FAM178B: variants seen among roughly 807,000 people sequenced by gnomAD.
FAM178B encodes family with sequence similarity 178 member B.
Under a neutral mutation model 91.7 loss-of-function variants are expected in FAM178B, and 82 were observed. The observed-to-expected ratio is 0.89, with a 90% confidence interval of 0.75 to 1.07. The LOEUF (loss-of-function observed/expected upper bound fraction) is 1.07. FAM178B is among the 50% of genes least tolerant of loss of function. The pLI, the probability that FAM178B is intolerant of heterozygous loss-of-function variation, is 0.00. For synonymous variants in FAM178B, 368 were observed against 359.4 expected (o/e 1.02, Z -0.27); for missense variants, 769 against 846.7 (o/e 0.91, Z 1.14).
intron 5 of FAM178B, among the ~76,000 whole-genome samples, chr2:96,965,149 G>C (rs562380373): frequency 6.6e-6 from 1 of 152,068 alleles, no homozygotes; most frequent in Admixed American, 6.6e-5. Context: ...ACAGGTACGC[G>C]TCACCACGCC....
chr2:96,877,488 C>T (rs567433627), intron 16 of FAM178B, among the ~76,000 whole-genome samples: 5 of 152,162 alleles, frequency 3.3e-5, no homozygotes, highest in South Asian at 2.1e-4. Flanking sequence ...CTGCAACCTC[C>T]GCCTCCTGGG....
At chr2:96,891,652 C>T (rs1314160467) in intron 14 of FAM178B, among the ~76,000 whole-genome samples, 1 of 152,188 alleles carries the variant, frequency 6.6e-6, no homozygotes, top group Non-Finnish European at 1.5e-5. Context: ...AAAGTTGTGC[C>T]CTGGACACCA....
rs531595293 is a variant in FAM178B at position 96,961,922 on chromosome 2, A to G, written c.735-1482T>C. Reference sequence around the variant, plus strand: ...TCAGGAAGCATCTCACCAAACCACCACACAAACGGTAAAACAATTTCCTGT... The same window carrying G: ...TCAGGAAGCATCTCACCAAACCACCGCACAAACGGTAAAACAATTTCCTGT... On this transcript the variant is annotated intron_variant, in intron 5 of 16. Transcript: ENST00000490605. Among the ~76,000 whole-genome samples, 263 of 152,340 alleles carry G rather than the reference A, an allele frequency of 1.7e-3. 5 individuals are homozygous for G. The South Asian group carries it at 0.053, about 31-fold the overall frequency.
At chr2:96,956,055 G>A (rs1048822003) in intron 6 of FAM178B, among the ~76,000 whole-genome samples, 1 of 152,188 alleles carries the variant, frequency 6.6e-6, no homozygotes, top group African/African-American at 2.4e-5. Context: ...GCACCCAGAG[G>A]ACAAACGCAC....
intron 14 of FAM178B, among the ~76,000 whole-genome samples, chr2:96,892,917 G>A (rs1230719159): frequency 6.6e-6 from 1 of 152,208 alleles, no homozygotes; most frequent in Non-Finnish European, 1.5e-5. Flanking sequence ...GACAGCTCAC[G>A]CTCTCCTGGG....
At chr2:96,888,888 C>T (rs78795205) in intron 14 of FAM178B, among the ~76,000 whole-genome samples, 2,167 of 152,336 alleles carry the variant, frequency 0.014, 57 homozygotes, top group African/African-American at 0.05. Context: ...GAGCACACCC[C>T]CCCTCCCCGC....
chr2:96,953,661 A>T (rs541351702), intron 6 of FAM178B, among the ~76,000 whole-genome samples: 1 of 152,362 alleles, frequency 6.6e-6, no homozygotes, highest in South Asian at 2.1e-4. Context: ...GAAAGGACAT[A>T]GTCCTGCTCT....
intron 9 of FAM178B, among the ~76,000 whole-genome samples, chr2:96,927,169 G>A (rs1262385817): frequency 6.6e-6 from 1 of 152,194 alleles, no homozygotes; most frequent in Non-Finnish European, 1.5e-5. Flanking sequence ...GAATACTCCG[G>A]AGGGGTCACC....
In FAM178B at chr2:96,929,276, C is replaced by T. The variant is rs1031086863; in HGVS notation, c.1123G>A (p.Glu375Lys). Residue 375 changes from glutamate to lysine, a missense_variant, in exon 9 of 17, where the codon GAG becomes AAG. By Grantham distance (56) the Glu-to-Lys change is moderately conservative (BLOSUM62 1). Transcript: ENST00000490605. ...TGGGCACCCAGGCTGTGGAATGCCT[C>T]CCTGACTTCTTGCAGTGAGGGGCAC... ...LWCPSLQEVR[E>K]AFHSLGAHSP... The T allele has an allele frequency of 1.9e-6, 3 of 1,551,508 alleles. No homozygotes were observed. The African/African-American group carries it at 4.1e-5, about 21-fold the overall frequency.
intron 9 of FAM178B, 126 bp downstream of exon 9, chr2:96,929,080 C>T: frequency 1.5e-6 from 1 of 689,260 alleles, no homozygotes; most frequent in Non-Finnish European, 2.5e-6. Flanking sequence ...ATCACTTGAG[C>T]CTGGGAGGTG....
At chr2:96,971,299 C>CCT (rs1247747306) in intron 3 of FAM178B, among the ~76,000 whole-genome samples, 1 of 146,132 alleles carries the variant, frequency 6.8e-6, no homozygotes, top group Non-Finnish European at 1.5e-5. Flanking sequence ...CTCCCACCTC[C>CCT]CTCTCTCTCT....
intron 8 of FAM178B, among the ~76,000 whole-genome samples, chr2:96,943,942 A>G (rs2081776696): frequency 6.6e-6 from 1 of 152,050 alleles, no homozygotes; most frequent in African/African-American, 2.4e-5. Context: ...AGGACATCTC[A>G]CATAAACATC....
At chr2:96,912,407 A>C (rs1360211247) in intron 12 of FAM178B, among the ~76,000 whole-genome samples, 1 of 151,880 alleles carries the variant, frequency 6.6e-6, no homozygotes, top group Non-Finnish European at 1.5e-5. Context: ...TGTCACAGTA[A>C]GGGCTAGGGT....
At chr2:96,942,444 G>C (rs2081749080) in intron 8 of FAM178B, among the ~76,000 whole-genome samples, 3 of 152,228 alleles carry the variant, frequency 2.0e-5, no homozygotes, top group Admixed American at 2.0e-4. Flanking sequence ...CCAGGCTGGA[G>C]TGCAGTGGTG....
chr2:96,909,252 T>C (rs1466079312), intron 12 of FAM178B, among the ~76,000 whole-genome samples: 2 of 152,004 alleles, frequency 1.3e-5, no homozygotes, highest in Non-Finnish European at 2.9e-5. Flanking sequence ...CCCCAATAAG[T>C]GTTCACTTCA....
At chr2:96,935,417 G>A (rs979318414) in intron 8 of FAM178B, among the ~76,000 whole-genome samples, 2 of 152,098 alleles carry the variant, frequency 1.3e-5, no homozygotes, top group Non-Finnish European at 2.9e-5. Flanking sequence ...TCAGCTCCAG[G>A]CAATCGCCTT....
chr2:96,958,478 T>C (rs1227029958), intron 6 of FAM178B, among the ~76,000 whole-genome samples: 1 of 151,344 alleles, frequency 6.6e-6, no homozygotes, highest in African/African-American at 2.4e-5. Context: ...ACTTGAGCCC[T>C]GGAGTTCAAG....
intron 13 of FAM178B, chr2:96,898,179 T>C: frequency 1.1e-6 from 1 of 943,692 alleles, no homozygotes; most frequent in Non-Finnish European, 1.3e-6. Flanking sequence ...CCAGCACTTG[T>C]GCACTGATGA....
At chr2:96,936,899 G>A (rs1020129801) in intron 8 of FAM178B, among the ~76,000 whole-genome samples, 82 of 152,014 alleles carry the variant, frequency 5.4e-4, no homozygotes, top group African/African-American at 1.9e-3. Flanking sequence ...GCACTGGAAG[G>A]GATGATGGTG....
Sources: allele counts gnomAD v4.1 joint callset (sites outside exome capture counted in the v4.1 genomes callset), GRCh38; gene constraint gnomAD v4.1.1; transcripts MANE v1.5; gene names NCBI Gene and HGNC (gene_info 2026-07-23, HGNC 2026-07-21).